PACSIN2: variants seen among roughly 807,000 people sequenced by gnomAD.
The protein encoded by PACSIN2 is protein kinase C and casein kinase substrate in neurons 2.
Under a neutral mutation model 63.8 loss-of-function variants are expected in PACSIN2, and 25 were observed. That is an observed-to-expected ratio of 0.39 (90% CI 0.29 to 0.55). PACSIN2 has a LOEUF of 0.55. PACSIN2 is among the 20% of genes least tolerant of loss of function. PACSIN2 has a pLI of 0.62. For synonymous variants in PACSIN2, 255 were observed against 256.2 expected (o/e 1.00, Z 0.05); for missense variants, 518 against 646.9 (o/e 0.80, Z 2.16).
chr22:42,995,830 G>A (rs536311477), intron 1 of PACSIN2, among the ~76,000 whole-genome samples: 8 of 152,254 alleles, frequency 5.3e-5, no homozygotes, highest in South Asian at 4.1e-4. Flanking sequence ...CTGGGAAGCC[G>A]GGACAGGAGG....
At chr22:42,973,104 A>C in intron 1 of PACSIN2, among the ~76,000 whole-genome samples, 1 of 152,230 alleles carries the variant, frequency 6.6e-6, no homozygotes, top group East Asian at 1.9e-4. Context: ...CACATCTGGG[A>C]CATGACCGTC....
intron 5 of PACSIN2, among the ~76,000 whole-genome samples, chr22:42,886,977 G>A (rs1929533782): frequency 6.6e-6 from 1 of 152,184 alleles, no homozygotes; most frequent in South Asian, 2.1e-4. Flanking sequence ...TCTCACACAG[G>A]CACGCCCCCG....
chr22:42,992,071 A>C (rs1259010303), intron 1 of PACSIN2, among the ~76,000 whole-genome samples: 1 of 152,248 alleles, frequency 6.6e-6, no homozygotes, highest in African/African-American at 2.4e-5. Context: ...GAATGAAAAG[A>C]CAGCCTCAGA....
chr22:42,967,744 C>T (rs1601588670), intron 1 of PACSIN2, among the ~76,000 whole-genome samples: 2 of 151,924 alleles, frequency 1.3e-5, no homozygotes, highest in African/African-American at 2.4e-5. Flanking sequence ...AAAAATTAGC[C>T]GGGCGTGGGG....
At chr22:42,881,171 G>A (rs1929043016) in intron 7 of PACSIN2, among the ~76,000 whole-genome samples, 1 of 152,166 alleles carries the variant, frequency 6.6e-6, no homozygotes, top group Non-Finnish European at 1.5e-5. Flanking sequence ...TCCTGTTAAG[G>A]GCCATAAAAG....
chr22:42,911,906 G>T, intron 2 of PACSIN2, 115 bp downstream of exon 2: 1 of 721,750 alleles, frequency 1.4e-6, no homozygotes, highest in Non-Finnish European at 2.4e-6. Context: ...CAAATGCATG[G>T]CTGGTTTGGG....
intron 10 of PACSIN2, among the ~76,000 whole-genome samples, chr22:42,875,780 C>T (rs1195040437): frequency 2.4e-5 from 3 of 127,208 alleles, no homozygotes; most frequent in South Asian, 5.0e-4. Context: ...AAGTGATCTG[C>T]CTGCCTTGGC....
chr22:42,872,001 T>C (rs1447540851), intron 10 of PACSIN2, among the ~76,000 whole-genome samples: 1 of 152,224 alleles, frequency 6.6e-6, no homozygotes, highest in Non-Finnish European at 1.5e-5. Flanking sequence ...GCTGATGACT[T>C]GTGCACGGTG....
At chr22:42,896,904 T>C (rs1602203224) in intron 2 of PACSIN2, among the ~76,000 whole-genome samples, 2 of 152,344 alleles carry the variant, frequency 1.3e-5, no homozygotes, top group East Asian at 3.8e-4. Flanking sequence ...TTATGACTAT[T>C]TGCCATCTGT....
At chr22:42,892,024 G>C (rs1047956046) in intron 3 of PACSIN2, among the ~76,000 whole-genome samples, 1 of 152,198 alleles carries the variant, frequency 6.6e-6, no homozygotes, top group Non-Finnish European at 1.5e-5. Flanking sequence ...CAGCAGAATG[G>C]AAGCCCATCC....
intron 1 of PACSIN2, among the ~76,000 whole-genome samples, chr22:42,924,576 T>C (rs1932409659): frequency 6.6e-6 from 1 of 151,988 alleles, no homozygotes; most frequent in South Asian, 2.1e-4. Context: ...CCGAGCTACT[T>C]TGTCCTCAGA....
chr22:42,939,671 G>C (rs1385682674), intron 1 of PACSIN2, among the ~76,000 whole-genome samples: 1 of 152,158 alleles, frequency 6.6e-6, no homozygotes, highest in Non-Finnish European at 1.5e-5. Flanking sequence ...ATGGAGTCAG[G>C]AGACCTGGAT....
At chr22:42,897,390 T>C (rs1930366641) in intron 2 of PACSIN2, among the ~76,000 whole-genome samples, 1 of 152,264 alleles carries the variant, frequency 6.6e-6, no homozygotes, top group Admixed American at 6.5e-5. Flanking sequence ...ATCAGTTTTG[T>C]AATTAAAAAC....
intron 1 of PACSIN2, among the ~76,000 whole-genome samples, chr22:42,964,783 T>C (rs911450158): frequency 2.6e-5 from 4 of 151,752 alleles, no homozygotes; most frequent in East Asian, 1.9e-4. Context: ...CATTAGGAAT[T>C]TGTAACTCCC....
intron 1 of PACSIN2, among the ~76,000 whole-genome samples, chr22:42,971,316 A>C (rs1347363921): frequency 6.6e-6 from 1 of 152,112 alleles, no homozygotes; most frequent in Non-Finnish European, 1.5e-5. Context: ...CCAGCTCCCG[A>C]CCGCAAGTGA....
chr22:42,938,605 G>A (rs567881324), intron 1 of PACSIN2, among the ~76,000 whole-genome samples: 6 of 152,338 alleles, frequency 3.9e-5, no homozygotes, highest in Admixed American at 3.3e-4. Flanking sequence ...CCTCTGCACA[G>A]GCCAACTGCA....
At chr22:42,892,088 G>C (rs774323566) in intron 3 of PACSIN2, among the ~76,000 whole-genome samples, 4 of 152,226 alleles carry the variant, frequency 2.6e-5, no homozygotes, top group Admixed American at 1.3e-4. Context: ...AGTATGGCAG[G>C]AGGGGCTGAG....
chr22:43,009,807 T>C (rs772538502), intron 1 of PACSIN2, among the ~76,000 whole-genome samples: 15 of 152,072 alleles, frequency 9.9e-5, no homozygotes, highest in Non-Finnish European at 1.8e-4. Flanking sequence ...GCCTTATTTA[T>C]CATTTTTAAG....
chr22:43,003,139 G>A (rs1923869849), intron 1 of PACSIN2, among the ~76,000 whole-genome samples: 1 of 152,150 alleles, frequency 6.6e-6, no homozygotes, highest in African/African-American at 2.4e-5. Flanking sequence ...AAGTTGGCAG[G>A]GAATAGGTTA....
Sources: allele counts gnomAD v4.1 joint callset (sites outside exome capture counted in the v4.1 genomes callset), GRCh38; gene constraint gnomAD v4.1.1; transcripts MANE v1.5; gene names NCBI Gene and HGNC (gene_info 2026-07-23, HGNC 2026-07-21).